The following CTNNA2 variants were observed in gnomAD, a reference collection of about 807,000 sequenced individuals.
CTNNA2 encodes the protein catenin alpha 2.
CTNNA2 carries 42 observed loss-of-function variants against 101.0 expected under a neutral mutation model. That is an observed-to-expected ratio of 0.42 (90% CI 0.32 to 0.54). The LOEUF (loss-of-function observed/expected upper bound fraction) is 0.54, where lower values mean the gene tolerates loss of function less well. Among genes scored for constraint, CTNNA2 ranks in the 20% least tolerant of loss-of-function variants. The probability of loss-of-function intolerance (pLI) is 0.14; values close to 1 mark genes in which losing one functional copy is unlikely to be tolerated. For missense variants in CTNNA2, 871 were observed against 1,223.1 expected, an observed-to-expected ratio of 0.71 and a Z score of 4.29; for synonymous variants, 450 against 456.4, an observed-to-expected ratio of 0.99 and a Z score of 0.18.
chr2:79,469,174 C>T lies in CTNNA2; in HGVS notation c.-134-35880C>T, dbSNP rs186264229. 3.0e-3 allele frequency among the ~76,000 whole-genome samples: 463 copies of T among 152,092 alleles called. 3 individuals carry two copies. Among genetic ancestry groups the T allele is most frequent in the African/African-American group, 9.9e-3 (412 of 41,468 alleles). On this transcript the variant is annotated intron_variant, in intron 4 of 21. Transcript: ENST00000466387. ...AAAAGAGAGAAGAATCAAATAGATG[C>T]ACTAAAAAATGATAAAGAGGATATC...
At chr2:79,241,226 C>T (rs1434192) in intron 2 of CTNNA2, among the ~76,000 whole-genome samples, 65,173 of 151,994 alleles carry the variant, frequency 0.43, 14,735 homozygotes, top group Non-Finnish European at 0.49. Context: ...TAAACAAGTG[C>T]ATTTTTTTCA....
chr2:79,801,122 T>C (rs973601252), intron 3 of CTNNA2, among the ~76,000 whole-genome samples: 1 of 152,166 alleles, frequency 6.6e-6, no homozygotes, highest in African/African-American at 2.4e-5. Flanking sequence ...TTTTGCTAAA[T>C]GTAAATTTAT....
chr2:79,605,375 A>T (rs570348476), intron 1 of CTNNA2, among the ~76,000 whole-genome samples: 16 of 152,330 alleles, frequency 1.1e-4, no homozygotes, highest in South Asian at 2.1e-4. Context: ...CATAAAAAAA[A>T]TTTTGAAGAA....
At chr2:80,232,345 G>GTTTGTTTTTTTT (rs1709286406) in intron 7 of CTNNA2, among the ~76,000 whole-genome samples, 2 of 64,832 alleles carry the variant, frequency 3.1e-5, no homozygotes, top group African/African-American at 8.8e-5. Flanking sequence ...TTGTTTGTTT[G>GTTTGTTTTTTTT]TTTTTTTTTT....
intron 4 of CTNNA2, among the ~76,000 whole-genome samples, chr2:79,449,964 A>G (rs762435692): frequency 6.6e-6 from 1 of 152,032 alleles, no homozygotes; most frequent in Admixed American, 6.6e-5. Flanking sequence ...GAACGCACAG[A>G]TATTTCTATT....
rs148357389 is a variant in CTNNA2, at chr2:79,335,777, G to T, written c.-318+22981G>T. Reference sequence around the variant, plus strand: ...TAAGATTTATTTTTAGGAAAGAACAGCTCAATCTATGTAAGCAAGAAATAG... The same window carrying T: ...TAAGATTTATTTTTAGGAAAGAACATCTCAATCTATGTAAGCAAGAAATAG... On this transcript the variant is annotated intron_variant, in intron 3 of 21. Coordinates refer to the CTNNA2 transcript ENST00000466387. Among the ~76,000 whole-genome samples the T allele has an allele frequency of 7.6e-4, 115 of 152,288 alleles. 1 individual carries two copies. The highest frequency in any genetic ancestry group is 1.3e-3 in the Non-Finnish European group (88 of 68,012).
At chr2:80,336,055 A>G (rs988840716) in intron 7 of CTNNA2, among the ~76,000 whole-genome samples, 1 of 152,184 alleles carries the variant, frequency 6.6e-6, no homozygotes, top group Admixed American at 6.5e-5. Flanking sequence ...GTGCACACCC[A>G]TGTACTCATG....
chr2:80,330,685 G>T (rs1026122669), intron 7 of CTNNA2, among the ~76,000 whole-genome samples: 1 of 152,130 alleles, frequency 6.6e-6, no homozygotes, highest in Non-Finnish European at 1.5e-5. Flanking sequence ...AAGCCCTTCA[G>T]AAGCTGCCTT....
chr2:80,401,767 A>T (rs1035312925), intron 8 of CTNNA2, among the ~76,000 whole-genome samples: 29 of 151,786 alleles, frequency 1.9e-4, no homozygotes, highest in African/African-American at 6.8e-4. Context: ...CAGGGGCAGA[A>T]AATCCATGTT....
At chr2:80,227,024 A>G (rs763356806) in intron 7 of CTNNA2, among the ~76,000 whole-genome samples, 1 of 152,228 alleles carries the variant, frequency 6.6e-6, no homozygotes, top group Non-Finnish European at 1.5e-5. Flanking sequence ...TATATCATGT[A>G]GCAAATTCAT....
chr2:80,589,590 G>A lies in CTNNA2; in HGVS notation c.2189+105G>A, dbSNP rs181066467. ...TGCTGAAAAATTAAAATATACCAAC[G>A]CAAGGTGGTGGTATTATAAATTTAC... On this transcript the variant is annotated intron_variant, in intron 15 of 18. Transcript: ENST00000402739. 1.6e-5 allele frequency: 16 copies of A among 1,027,832 alleles called. No homozygotes were observed. The Admixed American group carries it at 4.1e-4, about 26-fold the overall frequency. The allele number at this position is 1,027,832 out of a possible 1,614,324, so 63.7% of individuals were successfully genotyped here.
intron 2 of CTNNA2, among the ~76,000 whole-genome samples, chr2:79,209,575 T>A (rs1674142886): frequency 6.6e-6 from 1 of 152,216 alleles, no homozygotes; most frequent in African/African-American, 2.4e-5. Flanking sequence ...GAAAACTGTC[T>A]TTTAATGCTA....
intron 7 of CTNNA2, among the ~76,000 whole-genome samples, chr2:80,054,681 C>A (rs1697105620): frequency 6.6e-6 from 1 of 152,084 alleles, no homozygotes; most frequent in Non-Finnish European, 1.5e-5. Context: ...GAACTTGCTG[C>A]CCTAGGAAGG....
intron 7 of CTNNA2, among the ~76,000 whole-genome samples, chr2:80,254,677 C>T (rs1672005072): frequency 6.6e-6 from 1 of 152,056 alleles, no homozygotes; most frequent in African/African-American, 2.4e-5. Context: ...TTACTGTTAG[C>T]AAAATACTGA....
chr2:79,319,932 T>G (rs1483596354), intron 3 of CTNNA2: 1 of 152,174 alleles, frequency 6.6e-6, no homozygotes, highest in Non-Finnish European at 1.5e-5. Flanking sequence ...TTCAGGCAAT[T>G]GTGTTGTTTG....
intron 3 of CTNNA2, among the ~76,000 whole-genome samples, chr2:79,756,773 A>G (rs1188922607): frequency 6.6e-6 from 1 of 152,194 alleles, no homozygotes; most frequent in African/African-American, 2.4e-5. Context: ...CTGAACAGAT[A>G]CCTCACCAAG....
intron 7 of CTNNA2, among the ~76,000 whole-genome samples, chr2:80,112,890 T>G (rs1007109577): frequency 9.9e-5 from 15 of 152,200 alleles, no homozygotes; most frequent in Non-Finnish European, 1.9e-4. Flanking sequence ...TGTTTGGGAT[T>G]TTCTGCCTCA....
At chr2:79,381,792 G>C (rs1333131176) in intron 4 of CTNNA2, among the ~76,000 whole-genome samples, 1 of 152,160 alleles carries the variant, frequency 6.6e-6, no homozygotes, top group African/African-American at 2.4e-5. Flanking sequence ...CATTTGATCT[G>C]AAGTTTCTGT....
intron 3 of CTNNA2, among the ~76,000 whole-genome samples, chr2:79,755,593 G>C (rs1017151259): frequency 1.3e-5 from 2 of 152,112 alleles, no homozygotes; most frequent in African/African-American, 4.8e-5. Context: ...GTGGGTATGG[G>C]AGGAGTCCAT....
Sources: allele counts gnomAD v4.1 joint callset (sites outside exome capture counted in the v4.1 genomes callset), GRCh38; gene constraint gnomAD v4.1.1; transcripts MANE v1.5; gene names NCBI Gene and HGNC (gene_info 2026-07-23, HGNC 2026-07-21).